Variants in SNX31 observed in about 807,000 individuals in gnomAD.
The protein encoded by SNX31 is sorting nexin 31, also known as sorting nexin-31.
A neutral mutation model predicts 65.4 loss-of-function variants in SNX31; 58 were observed. The observed-to-expected ratio is 0.89, with a 90% CI of 0.72 to 1.10. SNX31 has a LOEUF of 1.10. Among genes scored for constraint, SNX31 ranks in the 50% least tolerant of loss-of-function variants. The probability of loss-of-function intolerance (pLI) is 0.00; values close to 1 mark genes in which losing one functional copy is unlikely to be tolerated. For missense variants in SNX31, 523 were observed against 529.7 expected (o/e 0.99, Z 0.12); for synonymous variants, 181 against 190.1 (o/e 0.95, Z 0.39).
At chr8:100,640,461 G>A (rs1399235344) in intron 2 of SNX31, among the ~76,000 whole-genome samples, 1 of 151,396 alleles carries the variant, frequency 6.6e-6, no homozygotes, top group African/African-American at 2.4e-5. Flanking sequence ...TCTCAAAAAG[G>A]GGGAGCATAA....
At chr8:100,607,494 T>G (rs1816280124) in intron 8 of SNX31, among the ~76,000 whole-genome samples, 1 of 152,202 alleles carries the variant, frequency 6.6e-6, no homozygotes, top group South Asian at 2.1e-4. Context: ...CTACATAATT[T>G]TCAGGGTCTA....
intron 2 of SNX31, among the ~76,000 whole-genome samples, chr8:100,637,282 T>G (rs1818845654): frequency 6.6e-6 from 1 of 152,218 alleles, no homozygotes; most frequent in African/African-American, 2.4e-5. Flanking sequence ...CACAGATTCA[T>G]TCTCCTGAAA....
At chr8:100,615,928 C>T in intron 5 of SNX31, among the ~76,000 whole-genome samples, 1 of 151,682 alleles carries the variant, frequency 6.6e-6, no homozygotes, top group Non-Finnish European at 1.5e-5. Flanking sequence ...CGCCACCACG[C>T]CCGGCTAATT....
At chr8:100,652,270 G>A (rs531007815), upstream of SNX31, among the ~76,000 whole-genome samples, 3 of 152,304 alleles carry the variant, frequency 2.0e-5, no homozygotes, top group South Asian at 2.1e-4. Flanking sequence ...GAGCCACCGC[G>A]CCCGGCCCAC....
intron 2 of SNX31, among the ~76,000 whole-genome samples, chr8:100,640,155 C>T (rs1819062617): frequency 6.6e-6 from 1 of 151,166 alleles, no homozygotes. Context: ...GAGACAGAGT[C>T]TTGCTCTTGT....
Position 100,625,316 on chromosome 8 carries a change from G to A in SNX31, c.321+5011C>T, listed in dbSNP as rs1320577367. On this transcript the variant is annotated intron_variant, in intron 4 of 13. Coordinates refer to ENST00000311812, the MANE Select transcript of SNX31 (RefSeq NM_152628.4). The surrounding 1 kb of genome is among the most constrained non-coding windows in gnomAD (Gnocchi z 4.2). Reference sequence around the variant, plus strand: ...GAATGTTTTCCATTTCCCTTGTAGAGAAATGACAGCGGCCCATCATTGCAT... The same window carrying A: ...GAATGTTTTCCATTTCCCTTGTAGAAAAATGACAGCGGCCCATCATTGCAT... 6.6e-6 allele frequency among the ~76,000 whole-genome samples: 1 copy of A among 151,714 alleles called. No homozygotes were observed.
At chr8:100,618,721 C>T (rs1817452157) in intron 4 of SNX31, 1 of 251,742 alleles carries the variant, frequency 4.0e-6, no homozygotes, top group Non-Finnish European at 7.6e-6. Flanking sequence ...ATTATAAAGG[C>T]TACAACTCAG....
At chr8:100,583,120 T>G (rs1158917699) in intron 12 of SNX31, among the ~76,000 whole-genome samples, 1 of 151,916 alleles carries the variant, frequency 6.6e-6, no homozygotes, top group East Asian at 1.9e-4. Context: ...TTCTTTTTTT[T>G]TTTTAAGATG....
At position 100,573,857 on chromosome 8, in the gene SNX31, A is replaced by C. The variant is rs757968591; in HGVS notation, c.*8T>G. On this transcript the variant is annotated 3_prime_UTR_variant, in exon 14 of 14. Transcript: ENST00000311812. ...CTCCAAGGATATTTTAAAATATGAG[A>C]GCTTTCTTCAGAGATCTTCTTCCTT... The C allele has an allele frequency of 6.5e-6, 10 of 1,547,470 alleles. No homozygotes were observed. The highest frequency in any genetic ancestry group is 8.8e-6 in the Non-Finnish European group (10 of 1,138,488).
chr8:100,645,265 T>C lies in SNX31; in HGVS notation c.141+4009A>G, dbSNP rs1221224186. ...AGAAAATAAACTGGAAATAAACTCA[T>C]ATTCCCCAAACACACACACAGATGG... On this transcript the variant is annotated intron_variant, in intron 2 of 13. Coordinates refer to ENST00000311812, the MANE Select transcript of SNX31 (RefSeq NM_152628.4). Among the ~76,000 whole-genome samples the C allele has an allele frequency of 2.6e-5, 4 of 152,240 alleles. No individual in the cohort carries two copies. In the East Asian group the frequency reaches 7.7e-4, roughly 29 times the overall value.
At chr8:100,620,889 CG>C (rs1295636322) in intron 4 of SNX31, among the ~76,000 whole-genome samples, 1 of 151,968 alleles carries the variant, frequency 6.6e-6, no homozygotes, top group Non-Finnish European at 1.5e-5. Context: ...CACCTGAGGT[CG>C]GCAGATCACC....
chr8:100,661,007 A>ATTTTTTT (rs10641759), intron 1 of SNX31, among the ~76,000 whole-genome samples: 1 of 140,582 alleles, frequency 7.1e-6, no homozygotes, highest in African/African-American at 2.7e-5. Context: ...GCAGGTCGAT[A>ATTTTTTT]TTTTTTTTTT....
Position 100,610,760 on chromosome 8 carries a change from C to T in SNX31, c.611+1240G>A, listed in dbSNP as rs1007550876. The stretch of plus-strand genomic sequence containing the variant: ...GACCATTCCTCAGGATACTTCTGAA[C>T]AGCAGTATATGAACTGCCTTGCTGG... On this transcript the variant is annotated intron_variant, in intron 7 of 13. Transcript: ENST00000311812. This position sits in a 1 kb window ranked among gnomAD's most constrained non-coding sequence, Gnocchi z 4.0. Among the ~76,000 whole-genome samples, 1 of 152,348 alleles carries T rather than the reference C, an allele frequency of 6.6e-6. No individual in the cohort carries two copies.
rs535758491 is a variant in SNX31, at chr8:100,626,267, C to T, written c.321+4060G>A. Among the ~76,000 whole-genome samples, 2 of 152,224 alleles carry T rather than the reference C, an allele frequency of 1.3e-5. No individual in the cohort carries two copies. Among genetic ancestry groups the T allele is most frequent in the East Asian group, 3.9e-4 (2 of 5,174 alleles). On this transcript the variant is annotated intron_variant, in intron 4 of 13. Transcript: ENST00000311812. This position sits in a 1 kb window ranked among gnomAD's most constrained non-coding sequence, Gnocchi z 4.4. ...CCCCAAGAGACAGGAGCTCTTCTCC[C>T]CATTTTACAGATGGGGAAACTGAGG...
At position 100,588,210 on chromosome 8, in the gene SNX31, T is replaced by A. The variant is rs1283567607; in HGVS notation, c.1092+656A>T. 6.6e-6 allele frequency among the ~76,000 whole-genome samples: 1 copy of A among 152,164 alleles called. No homozygotes were observed. Among genetic ancestry groups the A allele is most frequent in the Non-Finnish European group, 1.5e-5 (1 of 68,038 alleles). On this transcript the variant is annotated intron_variant, in intron 11 of 13. Transcript: ENST00000311812. This position sits in a 1 kb window ranked among gnomAD's most constrained non-coding sequence, Gnocchi z 4.8. The stretch of plus-strand genomic sequence containing the variant: ...CAGACTGTCATTGACCAAAATGTTA[T>A]GTACCACATGAATGTATATGCAAAT...
chr8:100,634,241 G>C (rs1818596453), intron 3 of SNX31, among the ~76,000 whole-genome samples: 1 of 152,136 alleles, frequency 6.6e-6, no homozygotes, highest in South Asian at 2.1e-4. Context: ...CCTCACAGGG[G>C]ACACAGCTGA....
chr8:100,615,735 G>T (rs769556950), intron 5 of SNX31, among the ~76,000 whole-genome samples: 1 of 152,182 alleles, frequency 6.6e-6, no homozygotes, highest in Non-Finnish European at 1.5e-5. Context: ...TAACATGCTG[G>T]TAAGTATTGG....
intron 8 of SNX31, among the ~76,000 whole-genome samples, chr8:100,602,964 C>T (rs1383992412): frequency 4.6e-5 from 7 of 152,064 alleles, no homozygotes; most frequent in Admixed American, 4.6e-4. Flanking sequence ...GGAACAATAC[C>T]ACCATTTTAC....
rs911888628 is a variant in SNX31 at position 100,604,265 on chromosome 8, G to T, written c.682-3824C>A. On this transcript the variant is annotated intron_variant, in intron 8 of 13. Coordinates refer to ENST00000311812, the MANE Select transcript of SNX31 (RefSeq NM_152628.4). This position sits in a 1 kb window ranked among gnomAD's most constrained non-coding sequence, Gnocchi z 4.3. Reference sequence around the variant, plus strand: ...TAAAGGTGCTGCAGATAGAAAAAAAGAAAAAAATAATAAAATTAAAAATTT... The same window carrying T: ...TAAAGGTGCTGCAGATAGAAAAAAATAAAAAAATAATAAAATTAAAAATTT... 3.9e-5 allele frequency among the ~76,000 whole-genome samples: 6 copies of T among 151,948 alleles called. No individual in the cohort carries two copies. Among genetic ancestry groups the T allele is most frequent in the Non-Finnish European group, 8.8e-5 (6 of 67,958 alleles).
Sources: allele counts gnomAD v4.1 joint callset (sites outside exome capture counted in the v4.1 genomes callset), GRCh38; gene constraint gnomAD v4.1.1; non-coding constraint Gnocchi (gnomAD v3.1); transcripts MANE v1.5; gene names NCBI Gene and HGNC (gene_info 2026-07-23, HGNC 2026-07-21).